Variants in VANGL2 observed in about 807,000 individuals in gnomAD.
VANGL2 encodes the protein VANGL planar cell polarity protein 2, also known as vang-like protein 2.
VANGL2 carries 14 observed loss-of-function variants against 50.2 expected under a neutral mutation model. The observed-to-expected ratio is 0.28, with a 90% confidence interval of 0.18 to 0.44. The LOEUF (loss-of-function observed/expected upper bound fraction) is 0.44, where lower values mean the gene tolerates loss of function less well. Among genes scored for constraint, VANGL2 ranks in the 20% least tolerant of loss-of-function variants. VANGL2 has a pLI of 1.00. For missense variants in VANGL2, 533 were observed against 701.5 expected, an observed-to-expected ratio of 0.76 and a Z score of 2.71; for synonymous variants, 295 against 297.2, an observed-to-expected ratio of 0.99 and a Z score of 0.08.
chr1:160,402,119 T>A (rs1474650663), intron 1 of VANGL2, among the ~76,000 whole-genome samples: 2 of 152,082 alleles, frequency 1.3e-5, no homozygotes, highest in African/African-American at 4.8e-5. Flanking sequence ...TCTTATGAAG[T>A]GCCTGTTTTT....
At chr1:160,403,147 C>CT (rs3835478) in intron 1 of VANGL2, among the ~76,000 whole-genome samples, 343 of 146,956 alleles carry the variant, frequency 2.3e-3, no homozygotes, top group African/African-American at 4.0e-3. Context: ...TTTAAAAGAC[C>CT]TTTTTTTTTT....
In VANGL2 at chr1:160,415,676, G is replaced by A; in HGVS notation, c.-162G>A. The A allele has an allele frequency of 1.3e-6, 1 of 794,660 alleles. No individual in the cohort carries two copies. The highest frequency in any genetic ancestry group is 2.0e-6 in the Non-Finnish European group (1 of 493,970). 49.2% of individuals were successfully genotyped at this position (794,660 alleles called of 1,614,324 possible). On this transcript the variant is annotated 5_prime_UTR_variant, in exon 2 of 8. Transcript: ENST00000368061. ...CGTCGCTGGATTTTCTCTGAGACAA[G>A]CCCACCCGTCCAGCAAAATAGAGTC...
Position 160,425,265 on chromosome 1 carries a change from T to C in VANGL2, c.1453T>C (p.Phe485Leu). ...GIVFLLKRQD[F>L]SLVVSTKKVP... ...CGTTTTCCTCTTAAAACGCCAGGAC[T>C]TCAGCCTGGTGGTCAGCACCAAGAA... Residue 485 changes from phenylalanine to leucine, a missense_variant, in exon 8 of 8, where the codon TTC becomes CTC. Coordinates refer to ENST00000368061, the MANE Select transcript of VANGL2 (RefSeq NM_020335.3). 6.2e-7 allele frequency: 1 copy of C among 1,614,062 alleles called. No individual in the cohort carries two copies. The highest frequency in any genetic ancestry group is 8.5e-7 in the Non-Finnish European group (1 of 1,180,010).
chr1:160,401,083 C>T (rs928666670), intron 1 of VANGL2, among the ~76,000 whole-genome samples: 2 of 152,118 alleles, frequency 1.3e-5, no homozygotes, highest in African/African-American at 2.4e-5. Flanking sequence ...GAGTACCCCC[C>T]CCAACTTTGG....
chr1:160,414,953 T>A (rs1485385735), intron 1 of VANGL2, among the ~76,000 whole-genome samples: 6 of 152,166 alleles, frequency 3.9e-5, no homozygotes, highest in Non-Finnish European at 8.8e-5. Context: ...GTGCCTTGCC[T>A]GTTTCAGAAC....
chr1:160,408,010 C>T (rs1650742183), intron 1 of VANGL2, among the ~76,000 whole-genome samples: 1 of 152,226 alleles, frequency 6.6e-6, no homozygotes, highest in South Asian at 2.1e-4. Context: ...CACCTTTTCT[C>T]CTGCAGCCTT....
intron 1 of VANGL2, among the ~76,000 whole-genome samples, chr1:160,410,313 G>A (rs1650830449): frequency 6.6e-6 from 1 of 152,016 alleles, no homozygotes; most frequent in Non-Finnish European, 1.5e-5. Flanking sequence ...GGAACACTAG[G>A]TGCCCTTTTT....
Position 160,426,510 on chromosome 1 carries a change from G to C in VANGL2, c.*1132G>C, listed in dbSNP as rs1222230599. 1 of 152,902 alleles carries C rather than the reference G, an allele frequency of 6.5e-6. No homozygotes were observed. Among genetic ancestry groups the C allele is most frequent in the Non-Finnish European group, 1.5e-5 (1 of 68,398 alleles). 9.5% of individuals were successfully genotyped at this position (152,902 alleles called of 1,614,324 possible). ...CAGGGTCCCCACCCCTTTTCTCCCTGCCTGATTCTCTGAGCTCTGGGCTCC... is the reference window on the plus strand; with the variant it reads ...CAGGGTCCCCACCCCTTTTCTCCCTCCCTGATTCTCTGAGCTCTGGGCTCC... On this transcript the variant is annotated 3_prime_UTR_variant, in exon 8 of 8. Transcript: ENST00000368061.
chr1:160,412,616 G>C (rs372806928), intron 1 of VANGL2, among the ~76,000 whole-genome samples: 2 of 152,138 alleles, frequency 1.3e-5, no homozygotes, highest in South Asian at 4.1e-4. Context: ...GTTGGGTTAA[G>C]GTATTATGTC....
At chr1:160,417,908 ATTTTTT>A (rs4017836) in intron 3 of VANGL2, among the ~76,000 whole-genome samples, 3 of 130,160 alleles carry the variant, frequency 2.3e-5, no homozygotes, top group South Asian at 2.4e-4. Context: ...GACTTCCATA[ATTTTTT>A]TTTTTTTTTT....
At chr1:160,403,138 T>A (rs1650537802) in intron 1 of VANGL2, among the ~76,000 whole-genome samples, 1 of 124,672 alleles carries the variant, frequency 8.0e-6, no homozygotes, top group African/African-American at 3.1e-5. Context: ...GAAAAGACCT[T>A]TAAAAGACCT....
chr1:160,409,012 G>A (rs1283923971), intron 1 of VANGL2, among the ~76,000 whole-genome samples: 1 of 152,248 alleles, frequency 6.6e-6, no homozygotes, highest in Non-Finnish European at 1.5e-5. Flanking sequence ...ATGGATGGGT[G>A]CAGGAACCAC....
chr1:160,425,126 G>A lies in VANGL2; in HGVS notation c.1314G>A (p.Leu438=). The A allele has an allele frequency of 6.2e-7, 1 of 1,614,074 alleles. No individual in the cohort carries two copies. The highest frequency in any genetic ancestry group is 8.5e-7 in the Non-Finnish European group (1 of 1,179,974). ...ITHDMTPKAF[L]ERYLAAGPTI... ...CCTTCTTTCCACTTCAGGCCTTCTT[G>A]GAGCGATACTTGGCGGCTGGACCTA... is the stretch of plus-strand genomic sequence containing the variant. The change falls in exon 8 of 8, where the codon TTG becomes TTA. Residue 438 remains leucine (L), a synonymous_variant. Coordinates refer to ENST00000368061, the MANE Select transcript of VANGL2 (RefSeq NM_020335.3).
intron 1 of VANGL2, among the ~76,000 whole-genome samples, chr1:160,407,986 C>A (rs1413963837): frequency 6.6e-6 from 1 of 152,226 alleles, no homozygotes; most frequent in Non-Finnish European, 1.5e-5. Flanking sequence ...GGGACAGATG[C>A]CAGGGGCATT....
At chr1:160,414,856 G>A (rs540832423) in intron 1 of VANGL2, among the ~76,000 whole-genome samples, 1 of 148,532 alleles carries the variant, frequency 6.7e-6, no homozygotes, top group Non-Finnish European at 1.5e-5. Flanking sequence ...TTGGGTGGGG[G>A]TTAGAGAGAG....
At chr1:160,408,490 C>A (rs569724793) in intron 1 of VANGL2, among the ~76,000 whole-genome samples, 10 of 152,270 alleles carry the variant, frequency 6.6e-5, no homozygotes, top group Non-Finnish European at 8.8e-5. Context: ...CTGCGGTGCA[C>A]CCTGCACTGG....
rs113478362 is a variant in VANGL2, at chr1:160,422,769, C to T, written c.1074-1283C>T. 1.6e-3 allele frequency among the ~76,000 whole-genome samples: 241 copies of T among 152,316 alleles called. 1 individual carries two copies. The highest frequency in any genetic ancestry group is 3.4e-3 in the Middle Eastern group (1 of 294). On this transcript the variant is annotated intron_variant, in intron 6 of 7. Coordinates refer to ENST00000368061, the MANE Select transcript of VANGL2 (RefSeq NM_020335.3). Reference sequence around the variant, plus strand: ...GTTTCTTCTTTTCCTCCAGTTCCCACTTTCACTCCAGCGCCACATTTTAGG... The same window carrying T: ...GTTTCTTCTTTTCCTCCAGTTCCCATTTTCACTCCAGCGCCACATTTTAGG...
At chr1:160,404,216 G>T (rs1289315772) in intron 1 of VANGL2, among the ~76,000 whole-genome samples, 2 of 152,182 alleles carry the variant, frequency 1.3e-5, no homozygotes, top group Admixed American at 6.5e-5. Context: ...AAGCACAGGG[G>T]ATGGAGGGGC....
Position 160,419,422 on chromosome 1 carries a change from C to T in VANGL2, c.613C>T (p.Leu205=), listed in dbSNP as rs754964583. The change falls in exon 4 of 8, where the codon CTG becomes TTG. Residue 205 remains leucine, a synonymous_variant. Transcript: ENST00000368061. This position sits in a 1 kb window ranked among gnomAD's most constrained non-coding sequence, Gnocchi z 5.8. ...CTGGCTCTTCTATGGTGTGCGCATC[C>T]TGGATGCTCGGGAGCGCAGCTACCA... The part of the protein sequence containing the change: ...SYWLFYGVRI[L]DARERSYQGV... 4 of 1,612,074 alleles carry T rather than the reference C, an allele frequency of 2.5e-6. No individual in the cohort carries two copies. The highest frequency in any genetic ancestry group is 2.5e-6 in the Non-Finnish European group (3 of 1,180,016).
Sources: gnomAD v4.1 joint callset for allele counts (sites outside exome capture counted in the v4.1 genomes callset) on GRCh38, gnomAD v4.1.1 for gene constraint, Gnocchi (gnomAD v3.1) non-coding constraint, MANE v1.5 for transcripts, NCBI Gene and HGNC (gene_info 2026-07-23, HGNC 2026-07-21) for gene names.